Variants in AXIN2 observed in about 807,000 individuals in gnomAD.
AXIN2 encodes axin 2.
Under a neutral mutation model 74.7 loss-of-function variants are expected in AXIN2, and 21 were observed. That is an observed-to-expected ratio of 0.28 (90% CI 0.20 to 0.40). The LOEUF is 0.40. Ranked by LOEUF, AXIN2 falls within the 10% of genes least tolerant of loss-of-function variation. The pLI is 1.00. For missense variants in AXIN2, 1,144 were observed against 1,111.1 expected (o/e 1.03, Z -0.42); for synonymous variants, 532 against 454.9 (o/e 1.17, Z -2.16).
In AXIN2 at chr17:65,537,577, G is replaced by C. The variant is rs754204017; in HGVS notation, c.1459C>G (p.Leu487Val). Reference protein sequence around the residue: ...YHSLLPPGGKLPPAAASPGAC... With the variant: ...YHSLLPPGGKVPPAAASPGAC... ...CCCGGCGAGGCGGCCGCGGGAGGCA[G>C]CTTGCCACCGGGCGGGAGCAGGGAG... Residue 487 changes from leucine (L) to valine (V), a missense_variant, in exon 6 of 11, where the codon CTG (leucine) becomes GTG (valine). By Grantham distance (32) the Leu-to-Val change is conservative. Around this residue, in one of 4 missense-constraint regions of AXIN2, gnomAD observed 1,053 missense variants for 973.5 expected, o/e 1.08. Coordinates refer to ENST00000307078, the MANE Select transcript of AXIN2 (RefSeq NM_004655.4). 1 of 1,609,386 alleles carries C rather than the reference G, an allele frequency of 6.2e-7. No homozygotes were observed. Among genetic ancestry groups the C allele is most frequent in the Admixed American group, 1.7e-5 (1 of 59,480 alleles).
intron 2 of AXIN2, 113 bp downstream of exon 2, chr17:65,557,693 C>A: frequency 8.8e-7 from 1 of 1,134,870 alleles, no homozygotes; most frequent in Non-Finnish European, 1.3e-6. Flanking sequence ...GGCCAGCAGT[C>A]CTAACTCAAC....
intron 2 of AXIN2, among the ~76,000 whole-genome samples, chr17:65,550,216 C>T (rs958184098): frequency 4.6e-5 from 7 of 152,118 alleles, no homozygotes; most frequent in African/African-American, 1.2e-4. Flanking sequence ...GCTGGACAGA[C>T]GGGACAGAAA....
rs2043786810 is a variant in AXIN2, at chr17:65,529,861, T to C, written c.*115A>G. The stretch of plus-strand genomic sequence containing the variant: ...CACTGGCCGATTCTTCCTTAGACTT[T>C]GTCTTCTTCATTGGTTTAATTTTCC... On this transcript the variant is annotated 3_prime_UTR_variant, in exon 11 of 11. Transcript: ENST00000307078. 1.9e-6 allele frequency: 3 copies of C among 1,580,158 alleles called. No individual in the cohort carries two copies. Among genetic ancestry groups the C allele is most frequent in the Non-Finnish European group, 2.6e-6 (3 of 1,158,004 alleles).
In AXIN2 at chr17:65,549,542, T is replaced by C. The variant is rs749646558; in HGVS notation, c.934A>G (p.Met312Val). 1.9e-6 allele frequency: 3 copies of C among 1,612,518 alleles called. No homozygotes were observed. Among genetic ancestry groups the C allele is most frequent in the Admixed American group, 3.3e-5 (2 of 59,828 alleles). Residue 312 changes from methionine to valine, a missense_variant, in exon 3 of 11, where the codon ATG (methionine) becomes GTG (valine). By Grantham distance (21) the Met-to-Val change is conservative. Transcript: ENST00000307078. ...CACACACTGCTGTCCGTCATGGACATGGAATCATCCGTCAGCGCATCACTG... is the reference window on the plus strand; with the variant it reads ...CACACACTGCTGTCCGTCATGGACACGGAATCATCCGTCAGCGCATCACTG... ...ISSDALTDDS[M>V]SMTDSSVDGI...
At chr17:65,531,809 C>G (rs566014672) in intron 10 of AXIN2, among the ~76,000 whole-genome samples, 4 of 152,294 alleles carry the variant, frequency 2.6e-5, no homozygotes, top group African/African-American at 9.6e-5. Flanking sequence ...CCAACAGCGT[C>G]TGGCGCGTCT....
At chr17:65,548,166 G>T (rs1334559491) in intron 3 of AXIN2, among the ~76,000 whole-genome samples, 1 of 152,198 alleles carries the variant, frequency 6.6e-6, no homozygotes, top group Admixed American at 6.5e-5. Flanking sequence ...CATATTGGAT[G>T]AAAGACGTGT....
chr17:65,551,575 G>C (rs1397490301), intron 2 of AXIN2, among the ~76,000 whole-genome samples: 1 of 152,194 alleles, frequency 6.6e-6, no homozygotes, highest in South Asian at 2.1e-4. Flanking sequence ...AGGGAGCCCT[G>C]GGGGAAGCCA....
In AXIN2 at chr17:65,529,761, C is replaced by T; in HGVS notation, c.*215G>A. 1.5e-6 allele frequency: 1 copy of T among 668,226 alleles called. No individual in the cohort carries two copies. Among genetic ancestry groups the T allele is most frequent in the Non-Finnish European group, 2.5e-6 (1 of 400,840 alleles). The allele number at this position is 668,226 out of a possible 1,614,324, so 41.4% of individuals were successfully genotyped here. ...GTGGTCATGTTTTTAATAAATAGTT[C>T]AGGCTTTTCTTATCTCAGTCAGTAC... is the stretch of plus-strand genomic sequence containing the variant. On this transcript the variant is annotated 3_prime_UTR_variant, in exon 11 of 11. Transcript: ENST00000307078.
At chr17:65,538,667 CAAAAAAAAAAAAAAAAAAAAAAAAA>C (rs775428814) in intron 4 of AXIN2, among the ~76,000 whole-genome samples, 4 of 35,810 alleles carry the variant, frequency 1.1e-4, no homozygotes, top group East Asian at 1.1e-3. Context: ...TGTCAACCAT[CAAAAAAAAAAAAAAAAAAAAAAAAA>C]AAAAAAAAAA....
At chr17:65,551,179 C>T (rs1184564806) in intron 2 of AXIN2, among the ~76,000 whole-genome samples, 3 of 152,084 alleles carry the variant, frequency 2.0e-5, no homozygotes, top group African/African-American at 4.8e-5. Flanking sequence ...CAGTTGGGGA[C>T]GGCTCCCTGG....
In AXIN2 at chr17:65,544,969, A is replaced by G. The variant is rs554598134; in HGVS notation, c.957-3412T>C. Among the ~76,000 whole-genome samples the G allele has an allele frequency of 3.7e-3, 561 of 152,316 alleles. 4 individuals are homozygous for G. The highest frequency in any genetic ancestry group is 0.012 in the African/African-American group (514 of 41,568). On this transcript the variant is annotated intron_variant, in intron 3 of 10. Coordinates refer to ENST00000307078, the MANE Select transcript of AXIN2 (RefSeq NM_004655.4). ...CAACATCAAAAGCCTGGTTTGTAGG[A>G]AAAGGTTAGTATTTGAAGTTCACTC...
chr17:65,535,762 T>C (rs1598095945), intron 8 of AXIN2, 41 bp from the exon 9 acceptor site: 3 of 1,559,446 alleles, frequency 1.9e-6, no homozygotes, highest in South Asian at 1.1e-5. Context: ...AGGTACACTG[T>C]TGTCCCCAGA....
chr17:65,538,097 A>AGCCC, intron 5 of AXIN2, 106 bp downstream of exon 5: 3 of 1,570,454 alleles, frequency 1.9e-6, no homozygotes, highest in Non-Finnish European at 2.6e-6. Context: ...ATGCGCATGC[A>AGCCC]ACCCACGCAC....
intron 4 of AXIN2, among the ~76,000 whole-genome samples, chr17:65,540,581 C>G (rs951882218): frequency 1.1e-4 from 17 of 152,152 alleles, no homozygotes; most frequent in Admixed American, 7.8e-4. Flanking sequence ...CCCTCCAAAT[C>G]TCATGTTGAA....
intron 2 of AXIN2, among the ~76,000 whole-genome samples, chr17:65,554,593 A>G (rs543076992): frequency 6.6e-6 from 1 of 152,332 alleles, no homozygotes; most frequent in East Asian, 1.9e-4. Flanking sequence ...ATTTTCTTTG[A>G]TAATTGAAGC....
Position 65,537,612 on chromosome 17 carries a change from G to T in AXIN2, c.1424C>A (p.Ser475Ter). ...GGGCGGGAGCAGGGAGTGGTACTGCGAATGGTGGTGGTGGTGGTGGTCCGG... is the reference window on the plus strand; with the variant it reads ...GGGCGGGAGCAGGGAGTGGTACTGCTAATGGTGGTGGTGGTGGTGGTCCGG... ...RSPDHHHHHHSQYHSLLPPGG... is the reference protein window; with the variant it reads ...RSPDHHHHHH The change falls in exon 6 of 11, where the codon TCG (serine) becomes TAG (stop). Residue 475 changes from serine to a stop codon, truncating the protein, a stop_gained. Coordinates refer to ENST00000307078, the MANE Select transcript of AXIN2 (RefSeq NM_004655.4). LOFTEE classifies it high-confidence loss of function. The T allele has an allele frequency of 6.3e-7, 1 of 1,599,044 alleles. No individual in the cohort carries two copies.
At chr17:65,531,467 C>G (rs769550320) in intron 10 of AXIN2, among the ~76,000 whole-genome samples, 1 of 151,818 alleles carries the variant, frequency 6.6e-6, no homozygotes, top group Non-Finnish European at 1.5e-5. Flanking sequence ...GGGAGGGGCT[C>G]TGTGCACAGG....
chr17:65,541,606 A>G lies in AXIN2; in HGVS notation c.957-49T>C, dbSNP rs371970722. 3.4e-6 allele frequency: 5 copies of G among 1,472,374 alleles called. No individual in the cohort carries two copies. In the African/African-American group the frequency reaches 4.2e-5, roughly 12 times the overall value. 91.2% of individuals were successfully genotyped at this position (1,472,374 alleles called of 1,614,324 possible). On this transcript the variant is annotated intron_variant, in intron 3 of 10. Transcript: ENST00000307078. ...TCCACAGGCTTACGAGGATGTTTTC[A>G]GCACATCACATGGGCTACTGTCATA...
At position 65,558,620 on chromosome 17, in the gene AXIN2, TG is replaced by T. The variant is rs761297762; in HGVS notation, c.-1del. ...CAAGTCACCAACATAGCGCTACTCA[TG>T]GTGAGGGAGCTCTTCCCACTGAGTC... On this transcript the variant is annotated 5_prime_UTR_variant, in exon 2 of 11. Transcript: ENST00000307078. 4 of 1,605,136 alleles carry T rather than the reference TG, an allele frequency of 2.5e-6. No homozygotes were observed. The South Asian group carries it at 4.4e-5, about 18-fold the overall frequency.
Sources: allele counts gnomAD v4.1 joint callset (sites outside exome capture counted in the v4.1 genomes callset), GRCh38; gene constraint gnomAD v4.1.1; regional missense constraint gnomAD v4.1.1; transcripts MANE v1.5; gene names NCBI Gene and HGNC (gene_info 2026-07-23, HGNC 2026-07-21).